SCRT1: variants seen among roughly 807,000 people sequenced by gnomAD.
SCRT1 encodes the protein scratch family transcriptional repressor 1, also known as transcriptional repressor scratch 1.
In SCRT1, 1 loss-of-function variant was observed where a neutral mutation model predicts 3.4. The ratio of observed to expected loss-of-function variants is 0.29; its 90% confidence interval spans 0.10 to 1.39. The LOEUF (loss-of-function observed/expected upper bound fraction) is 1.39, where lower values mean the gene tolerates loss of function less well. SCRT1 is among the 40% of genes most tolerant of loss of function. The pLI is 0.42. For missense variants in SCRT1, 380 were observed against 526.3 expected (o/e 0.72, Z 2.72); for synonymous variants, 238 against 247.0 (o/e 0.96, Z 0.34).
intron 1 of SCRT1, among the ~76,000 whole-genome samples, chr8:144,334,573 C>T (rs1428083529): frequency 6.6e-6 from 1 of 151,778 alleles, no homozygotes; most frequent in Non-Finnish European, 1.5e-5. Context: ...CCAGGACTGC[C>T]GGCCCAGGGA....
In SCRT1 at chr8:144,333,167, G is replaced by A; in HGVS notation, c.*18C>T. On this transcript the variant is annotated 3_prime_UTR_variant, in exon 2 of 2. Transcript: ENST00000569446. ...CGTATTGCTGAGAGCCGACCTGGCT[G>A]GGGGAGGCCCCGCCGCCCTAGGCCT... 8 of 1,487,970 alleles carry A rather than the reference G, an allele frequency of 5.4e-6. No homozygotes were observed. The highest frequency in any genetic ancestry group is 7.1e-6 in the Non-Finnish European group (8 of 1,124,158). The allele number at this position is 1,487,970 out of a possible 1,614,324, so 92.2% of individuals were successfully genotyped here.
In SCRT1 at chr8:144,333,437, G is replaced by C; in HGVS notation, c.795C>G (p.Gly265=). The part of the protein sequence containing the change: ...KAFSRPWLLQ[G]HMRSHTGEKP... ...TCTCGCCGGTGTGCGAGCGCATGTG[G>C]CCCTGCAGCAGCCAGGGCCGCGAGA... Residue 265 remains glycine (G), a synonymous_variant, in exon 2 of 2, where the codon GGC becomes GGG. Transcript: ENST00000569446. The C allele has an allele frequency of 6.2e-7, 1 of 1,602,184 alleles. No individual in the cohort carries two copies. Among genetic ancestry groups the C allele is most frequent in the Non-Finnish European group, 8.5e-7 (1 of 1,176,610 alleles).
At chr8:144,334,838 A>G (rs1181688372) in intron 1 of SCRT1, among the ~76,000 whole-genome samples, 1 of 151,662 alleles carries the variant, frequency 6.6e-6, no homozygotes, top group East Asian at 1.9e-4. Context: ...ACCATCCTGC[A>G]CCCTTGGGTC....
At chr8:144,334,938 G>A (rs1442420720) in intron 1 of SCRT1, among the ~76,000 whole-genome samples, 1 of 152,180 alleles carries the variant, frequency 6.6e-6, no homozygotes, top group Non-Finnish European at 1.5e-5. Context: ...GAGGGCCAGG[G>A]CGTCCACTTT....
In SCRT1 at chr8:144,333,196, C is replaced by G. The variant is rs1009510896; in HGVS notation, c.1036G>C (p.Val346Leu). The change falls in exon 2 of 2, where the codon GTG becomes CTG. Residue 346 changes from valine (V) to leucine (L), a missense_variant. Transcript: ENST00000569446. ...AAPAPPQLSP[V>L]QA The stretch of plus-strand genomic sequence containing the variant: ...GAGGCCCCGCCGCCCTAGGCCTGCA[C>G]AGGGCTGAGCTGTGGCGGCGCAGGA... The G allele has an allele frequency of 3.2e-6, 5 of 1,568,200 alleles. No homozygotes were observed. The highest frequency in any genetic ancestry group is 1.4e-5 in the African/African-American group (1 of 73,948).
Position 144,333,253 on chromosome 8 carries a change from A to T in SCRT1, c.979T>A (p.Cys327Ser). 6.2e-7 allele frequency: 1 copy of T among 1,610,260 alleles called. No homozygotes were observed. Among genetic ancestry groups the T allele is most frequent in the Non-Finnish European group, 8.5e-7 (1 of 1,179,014 alleles). ...SYLNKHYESACFKGGAGGPAA... is the reference protein window; with the variant it reads ...SYLNKHYESASFKGGAGGPAA... ...GGGCCTCCGGCGCCGCCCTTGAAGC[A>T]GGCCGACTCGTAGTGCTTGTTGAGA... The change falls in exon 2 of 2, where the codon TGC (cysteine) becomes AGC (serine). Residue 327 changes from cysteine (C) to serine (S), a missense_variant. Physicochemically the swap from Cys to Ser is moderately radical, Grantham distance 112 (BLOSUM62 -1). Coordinates refer to ENST00000569446, the MANE Select transcript of SCRT1 (RefSeq NM_031309.6).
At position 144,331,302 on chromosome 8, in the gene SCRT1, G is replaced by A. The variant is rs1172967952; in HGVS notation, c.*1883C>T. 2 of 152,284 alleles carry A rather than the reference G, an allele frequency of 1.3e-5. No individual in the cohort carries two copies. Among genetic ancestry groups the A allele is most frequent in the Non-Finnish European group, 2.9e-5 (2 of 68,086 alleles). The allele number at this position is 152,284 out of a possible 1,614,324, so 9.4% of individuals were successfully genotyped here. On this transcript the variant is annotated 3_prime_UTR_variant, in exon 2 of 2. Coordinates refer to ENST00000569446, the MANE Select transcript of SCRT1 (RefSeq NM_031309.6). ...GGACATGGCAGATGTGTGTTGGCCA[G>A]AGGATCAGAGAAGTGGCCACCTGTG... is the stretch of plus-strand genomic sequence containing the variant.
At chr8:144,334,165 G>A (rs1554850095) in intron 1 of SCRT1, 49 bp from the exon 2 acceptor site, 1 of 381,774 alleles carries the variant, frequency 2.6e-6, no homozygotes, top group African/African-American at 2.3e-5. Flanking sequence ...GGCGGCGGCA[G>A]GACACACACG....
In SCRT1 at chr8:144,335,758, G is replaced by T. The variant is rs143814925; in HGVS notation, c.115+297C>A. Reference sequence around the variant, plus strand: ...TGGGTCCCGTCATGGCAGCGCCCATGCGGCTGTGTCTGTCCCAGCATGGGT... The same window carrying T: ...TGGGTCCCGTCATGGCAGCGCCCATTCGGCTGTGTCTGTCCCAGCATGGGT... On this transcript the variant is annotated intron_variant, in intron 1 of 1. Transcript: ENST00000569446. This position sits in a 1 kb window ranked among gnomAD's most constrained non-coding sequence, Gnocchi z 7.7. Among the ~76,000 whole-genome samples the T allele has an allele frequency of 4.0e-3, 615 of 152,338 alleles. 2 individuals carry two copies. The highest frequency in any genetic ancestry group is 0.014 in the African/African-American group (592 of 41,582).
intron 1 of SCRT1, among the ~76,000 whole-genome samples, chr8:144,334,576 C>T (rs1188612726): frequency 1.3e-5 from 2 of 151,898 alleles, no homozygotes; most frequent in Admixed American, 6.5e-5. Context: ...GGACTGCCGG[C>T]CCAGGGACCC....
chr8:144,336,300 C>T lies in SCRT1; in HGVS notation c.-131G>A, dbSNP rs1817888505. On this transcript the variant is annotated 5_prime_UTR_variant, in exon 1 of 2. Coordinates refer to ENST00000569446, the MANE Select transcript of SCRT1 (RefSeq NM_031309.6). The surrounding 1 kb of genome is among the most constrained non-coding windows in gnomAD (Gnocchi z 6.8). ...TCCCCACTCTGGCCTTTGGATGCTG[C>T]CGCGCGAGTGGTGTCCTCTCTCCTT... 1.6e-6 allele frequency: 1 copy of T among 626,664 alleles called. No individual in the cohort carries two copies. The highest frequency in any genetic ancestry group is 2.8e-6 in the Non-Finnish European group (1 of 363,514). The allele number at this position is 626,664 out of a possible 1,614,324, so 38.8% of individuals were successfully genotyped here.
In SCRT1 at chr8:144,333,231, C is replaced by T; in HGVS notation, c.1001G>A (p.Gly334Asp). 1 of 1,594,160 alleles carries T rather than the reference C, an allele frequency of 6.3e-7. No homozygotes were observed. The highest frequency in any genetic ancestry group is 8.5e-7 in the Non-Finnish European group (1 of 1,172,686). The change falls in exon 2 of 2, where the codon GGC (glycine) becomes GAC (aspartate). Residue 334 changes from glycine to aspartate, a missense_variant. By Grantham distance (94) the Gly-to-Asp change is moderately conservative (BLOSUM62 -1). Around this residue, in one of 5 missense-constraint regions of SCRT1, gnomAD observed 67 missense variants for 64.7 expected, o/e 1.04. Coordinates refer to ENST00000569446, the MANE Select transcript of SCRT1 (RefSeq NM_031309.6). ...CTGTGGCGGCGCAGGAGCCGCGGGG[C>T]CTCCGGCGCCGCCCTTGAAGCAGGC... ...ESACFKGGAG[G>D]PAAPAPPQLS...
chr8:144,335,492 G>A lies in SCRT1; in HGVS notation c.115+563C>T, dbSNP rs1314407711. ...GCCTCCCACACCTTGGGCGTCCCTT[G>A]CTCACAGCCTCCTCCCTGCTTCCTC... is the stretch of plus-strand genomic sequence containing the variant. On this transcript the variant is annotated intron_variant, in intron 1 of 1. Coordinates refer to ENST00000569446, the MANE Select transcript of SCRT1 (RefSeq NM_031309.6). The surrounding 1 kb of genome is among the most constrained non-coding windows in gnomAD (Gnocchi z 7.7). 6.6e-6 allele frequency among the ~76,000 whole-genome samples: 1 copy of A among 152,094 alleles called. No homozygotes were observed. Among genetic ancestry groups the A allele is most frequent in the African/African-American group, 2.4e-5 (1 of 41,396 alleles).
In SCRT1 at chr8:144,336,318, C is replaced by A; in HGVS notation, c.-149G>T. Reference sequence around the variant, plus strand: ...GATGCTGCCGCGCGAGTGGTGTCCTCTCTCCTTGCTGCCCTGCGTCTCCTC... The same window carrying A: ...GATGCTGCCGCGCGAGTGGTGTCCTATCTCCTTGCTGCCCTGCGTCTCCTC... On this transcript the variant is annotated 5_prime_UTR_variant, in exon 1 of 2. Transcript: ENST00000569446. This position sits in a 1 kb window ranked among gnomAD's most constrained non-coding sequence, Gnocchi z 6.8. 1.7e-6 allele frequency: 1 copy of A among 572,602 alleles called. No homozygotes were observed. Among genetic ancestry groups the A allele is most frequent in the Non-Finnish European group, 3.1e-6 (1 of 321,128 alleles). 35.5% of individuals were successfully genotyped at this position (572,602 alleles called of 1,614,324 possible).
rs1193719254 is a variant in SCRT1, at chr8:144,335,673, G to C, written c.115+382C>G. ...GGTGTCCTGGTGCAGTCAAGGAAGA[G>C]GAGAGGGTGGCGAGGCGGCCCTGGT... On this transcript the variant is annotated intron_variant, in intron 1 of 1. Transcript: ENST00000569446. This position sits in a 1 kb window ranked among gnomAD's most constrained non-coding sequence, Gnocchi z 7.7. 6.6e-6 allele frequency among the ~76,000 whole-genome samples: 1 copy of C among 152,218 alleles called. No homozygotes were observed. Among genetic ancestry groups the C allele is most frequent in the Non-Finnish European group, 1.5e-5 (1 of 68,040 alleles).
chr8:144,333,345 T>C lies in SCRT1; in HGVS notation c.887A>G (p.Gln296Arg), dbSNP rs371037835. 3 of 1,612,250 alleles carry C rather than the reference T, an allele frequency of 1.9e-6. No homozygotes were observed. Among genetic ancestry groups the C allele is most frequent in the Non-Finnish European group, 2.5e-6 (3 of 1,179,586 alleles). Residue 296 changes from glutamine (Q) to arginine (R), a missense_variant, in exon 2 of 2, where the codon CAG becomes CGG. Coordinates refer to ENST00000569446, the MANE Select transcript of SCRT1 (RefSeq NM_031309.6). Reference protein sequence around the residue: ...ADRSNLRAHMQTHSAFKHFQC... With the variant: ...ADRSNLRAHMRTHSAFKHFQC... ...GAAGTGCTTGAAGGCCGAATGCGTC[T>C]GCATGTGCGCGCGCAGGTTGGAGCG... is the stretch of plus-strand genomic sequence containing the variant.
chr8:144,333,317 C>G lies in SCRT1; in HGVS notation c.915G>C (p.Gln305His), dbSNP rs377621438. The G allele has an allele frequency of 1.2e-5, 20 of 1,612,792 alleles. No individual in the cohort carries two copies. The highest frequency in any genetic ancestry group is 1.7e-5 in the Non-Finnish European group (20 of 1,179,774). Residue 305 changes from glutamine to histidine, a missense_variant, in exon 2 of 2, where the codon CAG (glutamine) becomes CAC (histidine). Physicochemically the swap from Gln to His is conservative, Grantham distance 24. Transcript: ENST00000569446. ...CGAAGCTCTTCTTGCAGCGCTTGCA[C>G]TGGAAGTGCTTGAAGGCCGAATGCG... ...MQTHSAFKHF[Q>H]CKRCKKSFAL...
At chr8:144,334,298 A>G (rs1817852749) in intron 1 of SCRT1, among the ~76,000 whole-genome samples, 182 bp from the exon 2 acceptor site, 1 of 151,968 alleles carries the variant, frequency 6.6e-6, no homozygotes, top group Non-Finnish European at 1.5e-5. Context: ...GGATGGAGAC[A>G]GCAGGGAGGG....
In SCRT1 at chr8:144,330,773, G is replaced by T. The variant is rs1221260533; in HGVS notation, c.*2412C>A. 2 of 150,958 alleles carry T rather than the reference G, an allele frequency of 1.3e-5. No homozygotes were observed. The highest frequency in any genetic ancestry group is 3.0e-5 in the Non-Finnish European group (2 of 67,332). The allele number at this position is 150,958 out of a possible 1,614,324, so 9.4% of individuals were successfully genotyped here. ...ACAAGGCGGCGGGGCACAGGCGGGGGTGGGGGCGGGCGGGCCGGCGGCCGC... is the reference window on the plus strand; with the variant it reads ...ACAAGGCGGCGGGGCACAGGCGGGGTTGGGGGCGGGCGGGCCGGCGGCCGC... On this transcript the variant is annotated 3_prime_UTR_variant, in exon 2 of 2. Transcript: ENST00000569446.
Sources: allele counts gnomAD v4.1 joint callset (sites outside exome capture counted in the v4.1 genomes callset), GRCh38; gene constraint gnomAD v4.1.1; regional missense constraint gnomAD v4.1.1; non-coding constraint Gnocchi (gnomAD v3.1); transcripts MANE v1.5; gene names NCBI Gene and HGNC (gene_info 2026-07-23, HGNC 2026-07-21).